Variants in TRIO observed in about 807,000 individuals in gnomAD.
TRIO encodes trio Rho guanine nucleotide exchange factor, also known as triple functional domain protein.
TRIO carries 58 observed loss-of-function variants against 351.9 expected under a neutral mutation model. The observed-to-expected ratio is 0.16, with a 90% CI of 0.13 to 0.21. The LOEUF (loss-of-function observed/expected upper bound fraction) is 0.21. Among genes scored for constraint, TRIO ranks in the 10% least tolerant of loss-of-function variants. The pLI is 1.00. For synonymous variants in TRIO, 1,758 were observed against 1,595.7 expected (o/e 1.10, Z -2.42); for missense variants, 3,201 against 4,027.8 (o/e 0.79, Z 5.56).
chr5:14,235,434 T>C (rs1027002438), intron 1 of TRIO, among the ~76,000 whole-genome samples: 6 of 152,208 alleles, frequency 3.9e-5, no homozygotes, highest in Admixed American at 1.3e-4. Context: ...AGTCTTCTAG[T>C]TTCATGTTTG....
chr5:14,382,578 C>T (rs1238621248), intron 21 of TRIO, among the ~76,000 whole-genome samples: 1 of 152,198 alleles, frequency 6.6e-6, no homozygotes, highest in Admixed American at 6.5e-5. Flanking sequence ...GTAGCTGCCC[C>T]CAGAGGCACA....
At chr5:14,507,653 C>A (rs1468492348) in intron 56 of TRIO, among the ~76,000 whole-genome samples, 1 of 152,136 alleles carries the variant, frequency 6.6e-6, no homozygotes, top group African/African-American at 2.4e-5. Context: ...GCACTTAGAT[C>A]TCCAAAGAGA....
intron 29 of TRIO, 120 bp downstream of exon 29, chr5:14,397,274 A>C: frequency 1.3e-6 from 1 of 743,414 alleles, no homozygotes; most frequent in Non-Finnish European, 2.2e-6. Context: ...GGTTAAGAAC[A>C]TTTCTTAAAG....
At chr5:14,456,707 T>G (rs1181006007) in intron 34 of TRIO, among the ~76,000 whole-genome samples, 3 of 152,300 alleles carry the variant, frequency 2.0e-5, no homozygotes, top group Non-Finnish European at 2.9e-5. Context: ...AGCTCTGTGT[T>G]TATGGTGTGA....
intron 9 of TRIO, among the ~76,000 whole-genome samples, chr5:14,321,337 G>A (rs1739860439): frequency 6.6e-6 from 1 of 152,234 alleles, no homozygotes; most frequent in Non-Finnish European, 1.5e-5. Context: ...GGTAACATGG[G>A]GTCAGGCACA....
intron 2 of TRIO, among the ~76,000 whole-genome samples, chr5:14,271,363 T>A (rs1795964126): frequency 6.6e-6 from 1 of 152,140 alleles, no homozygotes; most frequent in Non-Finnish European, 1.5e-5. Flanking sequence ...GGCTCTCTGG[T>A]CATGGAGTAA....
chr5:14,461,983 C>T (rs757629511), intron 35 of TRIO, among the ~76,000 whole-genome samples: 9 of 152,154 alleles, frequency 5.9e-5, no homozygotes, highest in Non-Finnish European at 1.3e-4. Flanking sequence ...AAACAGAATT[C>T]CTTCAGGATG....
intron 32 of TRIO, 192 bp from the exon 33 acceptor site, chr5:14,406,381 T>C (rs564940916): frequency 6.7e-6 from 4 of 597,590 alleles, no homozygotes; most frequent in Non-Finnish European, 8.9e-6. Context: ...CAGGATGATA[T>C]GTTTTAAACA....
At chr5:14,503,612 G>A (rs1355413230) in intron 54 of TRIO, among the ~76,000 whole-genome samples, 1 of 152,212 alleles carries the variant, frequency 6.6e-6, no homozygotes. Context: ...AGCAGGAGCA[G>A]GAGCGTCAAG....
At chr5:14,357,636 C>T (rs1400009365) in intron 11 of TRIO, among the ~76,000 whole-genome samples, 5 of 152,086 alleles carry the variant, frequency 3.3e-5, no homozygotes, top group African/African-American at 7.2e-5. Context: ...GGGCTCGTGC[C>T]GTCACCTCCC....
chr5:14,288,207 G>A (rs1581534204), intron 4 of TRIO, among the ~76,000 whole-genome samples: 1 of 152,302 alleles, frequency 6.6e-6, no homozygotes, highest in East Asian at 1.9e-4. Context: ...AATTATAAGT[G>A]TTTTAAGTAA....
At chr5:14,238,216 A>G (rs1793896980) in intron 1 of TRIO, among the ~76,000 whole-genome samples, 1 of 152,220 alleles carries the variant, frequency 6.6e-6, no homozygotes, top group Non-Finnish European at 1.5e-5. Context: ...TTGGAGGGAT[A>G]GGGTCCTGGA....
chr5:14,201,059 A>G (rs1791076219), intron 1 of TRIO, among the ~76,000 whole-genome samples: 1 of 152,156 alleles, frequency 6.6e-6, no homozygotes, highest in African/African-American at 2.4e-5. Flanking sequence ...GGAGTTTGAG[A>G]CCAGCCTGAC....
At chr5:14,483,712 C>T (rs990552175) in intron 46 of TRIO, among the ~76,000 whole-genome samples, 2 of 152,108 alleles carry the variant, frequency 1.3e-5, no homozygotes, top group Non-Finnish European at 2.9e-5. Context: ...AGAAGGAGGC[C>T]GCCTCTGCAT....
At chr5:14,318,845 A>C (rs1240611110) in intron 9 of TRIO, among the ~76,000 whole-genome samples, 1 of 152,212 alleles carries the variant, frequency 6.6e-6, no homozygotes, top group South Asian at 2.1e-4. Context: ...ATAATTCCAC[A>C]TCCGTGGACT....
chr5:14,321,354 G>A (rs778486685), intron 9 of TRIO, among the ~76,000 whole-genome samples: 42 of 152,246 alleles, frequency 2.8e-4, no homozygotes, highest in Non-Finnish European at 5.3e-4. Context: ...CACAGAAAAC[G>A]TGGCCCCCAC....
At chr5:14,264,997 C>A (rs1269024051) in intron 1 of TRIO, among the ~76,000 whole-genome samples, 1 of 152,044 alleles carries the variant, frequency 6.6e-6, no homozygotes, top group East Asian at 1.9e-4. Context: ...ATTTAACCTT[C>A]TTTTTCTGGT....
intron 1 of TRIO, among the ~76,000 whole-genome samples, chr5:14,171,357 C>T (rs1789087645): frequency 6.6e-6 from 1 of 152,114 alleles, no homozygotes; most frequent in South Asian, 2.1e-4. Flanking sequence ...TGCTTTTGAC[C>T]AAAACTGCAG....
At chr5:14,399,093 G>A (rs779390179) in intron 30 of TRIO, 23 bp downstream of exon 30, 1 of 1,606,162 alleles carries the variant, frequency 6.2e-7, no homozygotes. Context: ...GTTCAGAATT[G>A]TAAGTCTAAA....
Sources: allele counts gnomAD v4.1 joint callset (sites outside exome capture counted in the v4.1 genomes callset), GRCh38; gene constraint gnomAD v4.1.1; transcripts MANE v1.5; gene names NCBI Gene and HGNC (gene_info 2026-07-23, HGNC 2026-07-21).